The following GPAM variants were observed in gnomAD, a reference collection of about 807,000 sequenced individuals.
GPAM encodes the protein glycerol-3-phosphate acyltransferase, mitochondrial.
Under a neutral mutation model 105.0 loss-of-function variants are expected in GPAM, and 56 were observed. The observed-to-expected ratio is 0.53, with a 90% CI of 0.43 to 0.67. GPAM has a LOEUF of 0.67. Among genes scored for constraint, GPAM ranks in the 30% least tolerant of loss-of-function variants. GPAM has a pLI of 0.00. For synonymous variants in GPAM, 368 were observed against 354.4 expected, an observed-to-expected ratio of 1.04 and a Z score of -0.43; for missense variants, 855 against 989.8, an observed-to-expected ratio of 0.86 and a Z score of 1.83.
At position 112,154,690 on chromosome 10, in the gene GPAM, G is replaced by T. The variant is rs1411735033; in HGVS notation, c.2312-3C>A. The stretch of plus-strand genomic sequence containing the variant: ...AAGACAATATGTGGCACTCTCAGCT[G>T]AAGAGAGAGAATAAAACCCTGTCAA... On this transcript the variant is annotated splice_polypyrimidine_tract_variant and splice_region_variant and intron_variant, in intron 20 of 21. Coordinates refer to ENST00000348367, the MANE Select transcript of GPAM (RefSeq NM_001244949.2). 6.3e-7 allele frequency: 1 copy of T among 1,599,148 alleles called. No homozygotes were observed. The highest frequency in any genetic ancestry group is 1.7e-4 in the Middle Eastern group (1 of 6,038).
rs1847106650 is a variant in GPAM, at chr10:112,160,689, G to A, written c.1674C>T (p.Thr558=). The A allele has an allele frequency of 6.2e-7, 1 of 1,613,458 alleles. No individual in the cohort carries two copies. The highest frequency in any genetic ancestry group is 1.3e-5 in the African/African-American group (1 of 74,874). Residue 558 remains threonine, a synonymous_variant, in exon 16 of 22, where the codon ACC becomes ACT. Transcript: ENST00000348367. ...AGACTGATGGGACAGTTGTGCTGGG[G>A]GTGATAAAAAACTCATCGTTCCTGC... ...HTSRNDEFFI[T]PSTTVPSVFE...
intron 13 of GPAM, among the ~76,000 whole-genome samples, 175 bp from the exon 14 acceptor site, chr10:112,163,991 G>A (rs1052838051): frequency 6.6e-6 from 1 of 152,028 alleles, no homozygotes; most frequent in African/African-American, 2.4e-5. Flanking sequence ...TTATGGCCTG[G>A]CCAAAACATG....
chr10:112,190,374 G>A (rs377286058), intron 1 of GPAM, among the ~76,000 whole-genome samples: 29 of 151,982 alleles, frequency 1.9e-4, no homozygotes, highest in Admixed American at 5.9e-4. Context: ...GCTTGGTGGC[G>A]TGTGCCTGTA....
intron 20 of GPAM, 144 bp downstream of exon 20, chr10:112,155,720 C>T (rs1489135632): frequency 9.9e-6 from 6 of 603,976 alleles, no homozygotes; most frequent in Admixed American, 8.7e-5. Context: ...ACTTATATAA[C>T]ATGCCAAAGA....
the GPAM span, among the ~76,000 whole-genome samples, chr10:112,223,611 G>A: frequency 2.6e-5 from 4 of 152,136 alleles, no homozygotes; most frequent in Non-Finnish European, 5.9e-5. Context: ...AAGGCTACTA[G>A]GATCTTCCTT....
At chr10:112,194,719 C>T (rs565011693) in intron 1 of GPAM, among the ~76,000 whole-genome samples, 1 of 152,254 alleles carries the variant, frequency 6.6e-6, no homozygotes, top group African/African-American at 2.4e-5. Context: ...CAAGTCCCAG[C>T]TCTGGGTGTA....
intron 4 of GPAM, 146 bp from the exon 5 acceptor site, chr10:112,178,203 A>G: frequency 1.6e-6 from 1 of 611,756 alleles, no homozygotes; most frequent in South Asian, 2.0e-5. Context: ...AGTTTTATTG[A>G]AAAGTACTTT....
At chr10:112,173,558 G>A in intron 7 of GPAM, 141 bp downstream of exon 7, 1 of 874,078 alleles carries the variant, frequency 1.1e-6, no homozygotes, top group Non-Finnish European at 1.9e-6. Flanking sequence ...AAGAATATAA[G>A]AAGAGTTTAA....
intron 3 of GPAM, 139 bp from the exon 4 acceptor site, chr10:112,180,734 C>T (rs777009551): frequency 6.7e-6 from 5 of 741,110 alleles, no homozygotes; most frequent in Non-Finnish European, 1.1e-5. Flanking sequence ...GTACTCCCTC[C>T]ATGATCAACA....
intron 1 of GPAM, among the ~76,000 whole-genome samples, chr10:112,208,070 C>T (rs1332731564): frequency 6.6e-6 from 1 of 152,168 alleles, no homozygotes; most frequent in Non-Finnish European, 1.5e-5. Context: ...ACTTCCAGTG[C>T]CCTGGACCAT....
At chr10:112,222,398 T>C in the GPAM span, among the ~76,000 whole-genome samples, 1 of 152,160 alleles carries the variant, frequency 6.6e-6, no homozygotes, top group Non-Finnish European at 1.5e-5. Context: ...TTAAAATGAC[T>C]CATCAATGCC....
chr10:112,164,546 A>G lies in GPAM; in HGVS notation c.1286T>C (p.Leu429Ser), dbSNP rs1454934289. The G allele has an allele frequency of 1.9e-6, 3 of 1,591,832 alleles. No homozygotes were observed. In the African/African-American group the frequency reaches 4.0e-5, roughly 21 times the overall value. ...TTACCTTGAAGGAAGTATAGCTGGTAACAACGCTTGCTCCAGGGAAAGTAG... is the reference window on the plus strand; with the variant it reads ...TTACCTTGAAGGAAGTATAGCTGGTGACAACGCTTGCTCCAGGGAAAGTAG... ...SALLSLEQAL[L>S]PAILPSRPSD... is the part of the protein sequence containing the mutation. Residue 429 changes from leucine (L) to serine (S), a missense_variant, in exon 13 of 22, where the codon TTA becomes TCA. Leu to Ser is a moderately radical substitution (Grantham distance 145, BLOSUM62 -2). Transcript: ENST00000348367.
upstream of GPAM, among the ~76,000 whole-genome samples, chr10:112,185,583 C>G (rs1183209589): frequency 6.5e-5 from 1 of 15,500 alleles, no homozygotes; most frequent in Non-Finnish European, 1.8e-4. Context: ...CACACACACA[C>G]ACACACACAC....
At chr10:112,211,260 C>T (rs926216219) in intron 1 of GPAM, among the ~76,000 whole-genome samples, 2 of 152,178 alleles carry the variant, frequency 1.3e-5, no homozygotes, top group Non-Finnish European at 2.9e-5. Context: ...CCAGCAGAAG[C>T]ACCTGGGGAA....
chr10:112,214,550 G>A (rs555589399), intron 1 of GPAM, among the ~76,000 whole-genome samples: 2 of 152,252 alleles, frequency 1.3e-5, no homozygotes, highest in African/African-American at 2.4e-5. Flanking sequence ...CTATCTGCCC[G>A]ATCCAAGCTC....
intron 9 of GPAM, among the ~76,000 whole-genome samples, chr10:112,169,866 G>A (rs190489008): frequency 6.6e-6 from 1 of 152,234 alleles, no homozygotes. Context: ...AACAGCATTA[G>A]ATTCTCATAG....
chr10:112,193,800 G>T (rs577777659), intron 1 of GPAM, among the ~76,000 whole-genome samples: 1 of 152,118 alleles, frequency 6.6e-6, no homozygotes, highest in Non-Finnish European at 1.5e-5. Context: ...TTTTTTGGTC[G>T]TCCTCATCTC....
chr10:112,204,441 G>C (rs1184692256), intron 1 of GPAM, among the ~76,000 whole-genome samples: 1 of 151,720 alleles, frequency 6.6e-6, no homozygotes, highest in African/African-American at 2.4e-5. Flanking sequence ...AGAGTAGGTT[G>C]TAAAGATAGA....
At chr10:112,154,327 T>A in intron 21 of GPAM, 1 of 416,274 alleles carries the variant, frequency 2.4e-6, no homozygotes, top group Non-Finnish European at 4.3e-6. Flanking sequence ...ACATTTTGGA[T>A]AAGGGATATT....
Sources: allele counts gnomAD v4.1 joint callset (sites outside exome capture counted in the v4.1 genomes callset), GRCh38; gene constraint gnomAD v4.1.1; transcripts MANE v1.5; gene names NCBI Gene and HGNC (gene_info 2026-07-23, HGNC 2026-07-21).